Variants in TRIP11 observed in about 807,000 individuals in gnomAD.
TRIP11 encodes thyroid receptor-interacting protein 11.
A neutral mutation model predicts 223.1 loss-of-function variants in TRIP11; 148 were observed. The ratio of observed to expected loss-of-function variants is 0.66; its 90% CI spans 0.58 to 0.76. The LOEUF (loss-of-function observed/expected upper bound fraction) is 0.76, where lower values mean the gene tolerates loss of function less well. Ranked by LOEUF, TRIP11 falls within the 30% of genes least tolerant of loss-of-function variation. The pLI is 0.00. For missense variants in TRIP11, 2,043 were observed against 2,222.0 expected (o/e 0.92, Z 1.62); for synonymous variants, 762 against 772.6 (o/e 0.99, Z 0.23).
At chr14:91,980,492 G>C (rs564522417) in intron 16 of TRIP11, among the ~76,000 whole-genome samples, 5 of 152,294 alleles carry the variant, frequency 3.3e-5, no homozygotes, top group African/African-American at 1.2e-4. Flanking sequence ...AAATGAACAT[G>C]CTTATCTCAA....
At position 91,986,509 on chromosome 14, in the gene TRIP11, C is replaced by T. The variant is rs1235629069; in HGVS notation, c.5260+1775G>A. 1.8e-4 allele frequency among the ~76,000 whole-genome samples: 27 copies of T among 152,110 alleles called. 1 individual carries two copies. Among genetic ancestry groups the T allele is most frequent in the Admixed American group, 1.3e-3 (20 of 15,272 alleles). Reference sequence around the variant, plus strand: ...CAGACTTTGGATTAGGGATGCTCAACCTGTATTTCAAGAACTCTGATAATA... The same window carrying T: ...CAGACTTTGGATTAGGGATGCTCAATCTGTATTTCAAGAACTCTGATAATA... On this transcript the variant is annotated intron_variant, in intron 16 of 20. Transcript: ENST00000267622.
rs1427073495 is a variant in TRIP11 at position 92,005,334 on chromosome 14, G to GGTGC, written c.2638_2641dup (p.Pro881ArgfsTer5). On this transcript the variant is annotated frameshift_variant, in exon 11 of 21. Transcript: ENST00000267622. LOFTEE classifies it high-confidence loss of function. ...ATCAAGGGTTTTAGGGTCAGCCACA[G>GGTGC]GTGCGGTTCGACTCTGCTCTTCCCT... 1 of 1,614,156 alleles carries GGTGC rather than the reference G, an allele frequency of 6.2e-7. No individual in the cohort carries two copies. The highest frequency in any genetic ancestry group is 8.5e-7 in the Non-Finnish European group (1 of 1,180,024).
intron 4 of TRIP11, among the ~76,000 whole-genome samples, chr14:92,018,682 G>A (rs1355461932): frequency 6.6e-6 from 1 of 152,022 alleles, no homozygotes; most frequent in African/African-American, 2.4e-5. Flanking sequence ...TCCTAGGGCT[G>A]GGCACAGTGG....
chr14:92,033,312 G>T, intron 1 of TRIP11, 59 bp from the exon 2 acceptor site: 1 of 1,326,868 alleles, frequency 7.5e-7, no homozygotes, highest in South Asian at 1.2e-5. Context: ...GTAATAAATA[G>T]GTATTTTCAA....
At chr14:91,974,505 G>A in intron 19 of TRIP11, 122 bp downstream of exon 19, 1 of 816,122 alleles carries the variant, frequency 1.2e-6, no homozygotes, top group Non-Finnish European at 2.0e-6. Context: ...CTCAGTTTCT[G>A]CAACTTCAAA....
rs1433538315 is a variant in TRIP11 at position 91,967,883 on chromosome 14, T to C, written c.*1790A>G. On this transcript the variant is annotated 3_prime_UTR_variant, in exon 21 of 21. Coordinates refer to ENST00000267622, the MANE Select transcript of TRIP11 (RefSeq NM_004239.4). Reference sequence around the variant, plus strand: ...GTAACAACTCACAGAGAAATAATAATAGGCAAAAACCAAGAGGCAGTTTGA... The same window carrying C: ...GTAACAACTCACAGAGAAATAATAACAGGCAAAAACCAAGAGGCAGTTTGA... 1 of 199,516 alleles carries C rather than the reference T, an allele frequency of 5.0e-6. No individual in the cohort carries two copies. 12.4% of individuals were successfully genotyped at this position (199,516 alleles called of 1,614,324 possible).
intron 17 of TRIP11, 88 bp downstream of exon 17, chr14:91,976,020 A>T: frequency 7.9e-7 from 1 of 1,265,264 alleles, no homozygotes; most frequent in Non-Finnish European, 1.1e-6. Flanking sequence ...AAATTTAATC[A>T]CATATAAACA....
In TRIP11 at chr14:91,975,209, C is replaced by G. The variant is rs2056449254; in HGVS notation, c.5420G>C (p.Gly1807Ala). ...NQRHEVLRLM[G>A]SILGVRREEM... Reference sequence around the variant, plus strand: ...CTCCCTTCTGACGCCCAGGATGCTCCCCATTAACCGTAACACTTCATGACG... The same window carrying G: ...CTCCCTTCTGACGCCCAGGATGCTCGCCATTAACCGTAACACTTCATGACG... The change falls in exon 18 of 21, where the codon GGG (glycine) becomes GCG (alanine). Residue 1807 changes from glycine to alanine, a missense_variant. Coordinates refer to ENST00000267622, the MANE Select transcript of TRIP11 (RefSeq NM_004239.4). The G allele has an allele frequency of 6.2e-7, 1 of 1,613,662 alleles. No homozygotes were observed. Among genetic ancestry groups the G allele is most frequent in the South Asian group, 1.1e-5 (1 of 91,072 alleles).
intron 16 of TRIP11, among the ~76,000 whole-genome samples, chr14:91,979,257 CAAAA>C (rs558337126): frequency 1.9e-5 from 2 of 102,878 alleles, no homozygotes. Context: ...ACCCTGTCTC[CAAAA>C]AAAAAAAAAA....
At position 91,968,913 on chromosome 14, in the gene TRIP11, TG is replaced by T. The variant is rs2140076223; in HGVS notation, c.*759del. ...GGGCAACACAGGGGGATGCTTGTAA[TG>T]GAAGTCTTCCGTGTCTTGCCTGTGG... On this transcript the variant is annotated 3_prime_UTR_variant, in exon 21 of 21. Coordinates refer to ENST00000267622, the MANE Select transcript of TRIP11 (RefSeq NM_004239.4). 1 of 232,522 alleles carries T rather than the reference TG, an allele frequency of 4.3e-6. No homozygotes were observed. The highest frequency in any genetic ancestry group is 6.1e-5 in the East Asian group (1 of 16,420). 14.4% of individuals were successfully genotyped at this position (232,522 alleles called of 1,614,324 possible).
At chr14:91,972,276 G>C (rs1232584398) in intron 20 of TRIP11, among the ~76,000 whole-genome samples, 1 of 152,158 alleles carries the variant, frequency 6.6e-6, no homozygotes, top group African/African-American at 2.4e-5. Context: ...TTTGGTTACT[G>C]AGTGTAGCAC....
rs768386071 is a variant in TRIP11, at chr14:92,003,702, G to T, written c.4274C>A (p.Ser1425Tyr). The stretch of plus-strand genomic sequence containing the variant: ...TTTGTTAGTGAAATTTTCATTGGAA[G>T]AAAGTAGTTGATCACTTTTGGCTTT... Reference protein sequence around the residue: ...LIKAKSDQLLSSNENFTNKVN... With the variant: ...LIKAKSDQLLYSNENFTNKVN... The change falls in exon 11 of 21, where the codon TCT becomes TAT. Residue 1425 changes from serine to tyrosine, a missense_variant. Ser to Tyr is a moderately radical substitution (Grantham distance 144). Transcript: ENST00000267622. 1 of 1,614,160 alleles carries T rather than the reference G, an allele frequency of 6.2e-7. No homozygotes were observed. The highest frequency in any genetic ancestry group is 2.2e-5 in the East Asian group (1 of 44,876).
rs1335387061 is a variant in TRIP11 at position 91,969,624 on chromosome 14, T to A, written c.*49A>T. The A allele has an allele frequency of 1.3e-6, 2 of 1,566,934 alleles. No homozygotes were observed. Among genetic ancestry groups the A allele is most frequent in the African/African-American group, 1.4e-5 (1 of 73,926 alleles). Reference sequence around the variant, plus strand: ...TTTGTGATAAAGTACATACATATAGTGTTCATGGTTTCTTTAAAGTGCTAG... The same window carrying A: ...TTTGTGATAAAGTACATACATATAGAGTTCATGGTTTCTTTAAAGTGCTAG... On this transcript the variant is annotated 3_prime_UTR_variant, in exon 21 of 21. Coordinates refer to ENST00000267622, the MANE Select transcript of TRIP11 (RefSeq NM_004239.4).
intron 7 of TRIP11, among the ~76,000 whole-genome samples, chr14:92,012,994 G>C (rs528550223): frequency 6.6e-5 from 10 of 152,170 alleles, no homozygotes; most frequent in South Asian, 6.2e-4. Flanking sequence ...TTCAGCTGGG[G>C]GCGGTGGCTC....
intron 2 of TRIP11, among the ~76,000 whole-genome samples, chr14:92,028,894 C>T (rs1288234128): frequency 6.6e-6 from 1 of 152,184 alleles, no homozygotes; most frequent in Non-Finnish European, 1.5e-5. Context: ...CTGAAATCAA[C>T]TTAATTTCTT....
At chr14:92,018,096 T>TC (rs1397163525) in intron 4 of TRIP11, among the ~76,000 whole-genome samples, 4 of 150,810 alleles carry the variant, frequency 2.7e-5, no homozygotes, top group Non-Finnish European at 4.4e-5. Context: ...CTTTTTCCTT[T>TC]CTTTTTTTTT....
chr14:92,038,351 T>C (rs2057346237), intron 1 of TRIP11, among the ~76,000 whole-genome samples: 1 of 152,266 alleles, frequency 6.6e-6, no homozygotes, highest in African/African-American at 2.4e-5. Context: ...CCCATAGTTA[T>C]CCAGCCCTTC....
At chr14:92,026,533 A>G in intron 2 of TRIP11, 2 of 1,203,366 alleles carry the variant, frequency 1.7e-6, no homozygotes, top group Middle Eastern at 2.8e-4. Context: ...TTTCTTTTTA[A>G]TCCCCTGCAT....
chr14:92,031,918 C>T (rs2057270880), intron 2 of TRIP11, among the ~76,000 whole-genome samples: 1 of 152,108 alleles, frequency 6.6e-6, no homozygotes, highest in Non-Finnish European at 1.5e-5. Context: ...GCCCTAAGAT[C>T]AGGTGATCCT....
Sources: allele counts gnomAD v4.1 joint callset (sites outside exome capture counted in the v4.1 genomes callset), GRCh38; gene constraint gnomAD v4.1.1; transcripts MANE v1.5; gene names NCBI Gene and HGNC (gene_info 2026-07-23, HGNC 2026-07-21).